The following SERTAD4 variants were observed in gnomAD, a reference collection of about 807,000 sequenced individuals.
The protein encoded by SERTAD4 is SERTA domain containing 4.
In SERTAD4, 18 loss-of-function variants were observed where a neutral mutation model predicts 32.9. The ratio of observed to expected loss-of-function variants is 0.55; its 90% CI spans 0.38 to 0.81. SERTAD4 has a LOEUF of 0.81. Ranked by LOEUF, SERTAD4 falls within the 30% of genes least tolerant of loss-of-function variation. The pLI is 0.00. For missense variants in SERTAD4, 383 were observed against 426.0 expected (o/e 0.90, Z 0.89); for synonymous variants, 150 against 156.4 (o/e 0.96, Z 0.30).
intron 1 of SERTAD4, among the ~76,000 whole-genome samples, chr1:210,234,588 G>C (rs949412433): frequency 6.6e-6 from 1 of 152,216 alleles, no homozygotes; most frequent in African/African-American, 2.4e-5. Flanking sequence ...ACAATGTGGA[G>C]GTCAGGGGCT....
chr1:210,236,982 C>T (rs1279619258), intron 1 of SERTAD4, among the ~76,000 whole-genome samples: 4 of 152,164 alleles, frequency 2.6e-5, no homozygotes, highest in Admixed American at 6.5e-5. Context: ...CCTGAGCTAT[C>T]GAGGGGCCCA....
At position 210,242,407 on chromosome 1, in the gene SERTAD4, T is replaced by G; in HGVS notation, c.*70T>G. The G allele has an allele frequency of 6.6e-7, 1 of 1,512,418 alleles. No individual in the cohort carries two copies. 93.7% of individuals were successfully genotyped at this position (1,512,418 alleles called of 1,614,324 possible). On this transcript the variant is annotated 3_prime_UTR_variant, in exon 4 of 4. Transcript: ENST00000367012. This position sits in a 1 kb window ranked among gnomAD's most constrained non-coding sequence, Gnocchi z 4.0. Reference sequence around the variant, plus strand: ...TAGCTCTCGTAAATTTTATTTTGAATGGATTTTGTAGTTTTGTACAACAGA... The same window carrying G: ...TAGCTCTCGTAAATTTTATTTTGAAGGGATTTTGTAGTTTTGTACAACAGA...
Position 210,245,719 on chromosome 1 carries a change from C to A in SERTAD4, c.*3382C>A. 2.8e-6 allele frequency: 2 copies of A among 710,644 alleles called. No individual in the cohort carries two copies. The highest frequency in any genetic ancestry group is 3.5e-6 in the Non-Finnish European group (2 of 579,204). The allele number at this position is 710,644 out of a possible 1,614,324, so 44.0% of individuals were successfully genotyped here. A position where few individuals can be genotyped will look rare whatever the true frequency, so the allele number is the denominator to read the frequency against. ...TTATTTTTAGAGCTCATAGTTAACT[C>A]CATCAAGACATGGCTACCCACCCCT... On this transcript the variant is annotated 3_prime_UTR_variant, in exon 4 of 4. Transcript: ENST00000367012.
chr1:210,233,144 C>A (rs1322453401), intron 1 of SERTAD4, 133 bp downstream of exon 1: 1 of 152,582 alleles, frequency 6.6e-6, no homozygotes, highest in Non-Finnish European at 1.5e-5. Flanking sequence ...GGCACCAGGG[C>A]TGTGCCGAGG....
chr1:210,242,198 A>C lies in SERTAD4; in HGVS notation c.932A>C (p.Lys311Thr), dbSNP rs1406687575. 1 of 1,614,202 alleles carries C rather than the reference A, an allele frequency of 6.2e-7. No homozygotes were observed. Among genetic ancestry groups the C allele is most frequent in the Admixed American group, 1.7e-5 (1 of 60,022 alleles). The change falls in exon 4 of 4, where the codon AAA becomes ACA. Residue 311 changes from lysine (K) to threonine (T), a missense_variant. By Grantham distance (78) the Lys-to-Thr change is moderately conservative (BLOSUM62 -1). Coordinates refer to ENST00000367012, the MANE Select transcript of SERTAD4 (RefSeq NM_019605.5). This position sits in a 1 kb window ranked among gnomAD's most constrained non-coding sequence, Gnocchi z 4.0. ...PVGNDLAFEC[K>T]GQFYDYFETG... is the part of the protein sequence containing the mutation. ...GGAAATGACCTTGCTTTTGAGTGCA[A>C]AGGCCAATTTTATGATTATTTTGAG...
In SERTAD4 at chr1:210,241,829, C is replaced by T. The variant is rs2083998733; in HGVS notation, c.563C>T (p.Ala188Val). The T allele has an allele frequency of 6.2e-7, 1 of 1,613,990 alleles. No individual in the cohort carries two copies. The highest frequency in any genetic ancestry group is 1.7e-5 in the Admixed American group (1 of 59,996). Residue 188 changes from alanine to valine, a missense_variant, in exon 4 of 4, where the codon GCC becomes GTC. Physicochemically the swap from Ala to Val is moderately conservative, Grantham distance 64. Around this residue, in one of 3 missense-constraint regions of SERTAD4, gnomAD observed 107 missense variants for 158.8 expected, o/e 0.67. Coordinates refer to ENST00000367012, the MANE Select transcript of SERTAD4 (RefSeq NM_019605.5). Reference sequence around the variant, plus strand: ...AAAGAGGAATGTGAAAAGTTTCATGCCTGCTGCTTTTACCAAGAATGTGGT... The same window carrying T: ...AAAGAGGAATGTGAAAAGTTTCATGTCTGCTGCTTTTACCAAGAATGTGGT... Reference protein sequence around the residue: ...MAKEECEKFHACCFYQECGGH... With the variant: ...MAKEECEKFHVCCFYQECGGH...
At chr1:210,233,715 G>C (rs569584240) in intron 1 of SERTAD4, 18 of 471,076 alleles carry the variant, frequency 3.8e-5, no homozygotes, top group Non-Finnish European at 7.5e-5. Context: ...CGCCTCTTCG[G>C]CCCTAGCAAC....
chr1:210,233,994 T>TAAAA (rs1269438559), intron 1 of SERTAD4: 142 of 334,874 alleles, frequency 4.2e-4, no homozygotes, highest in East Asian at 1.1e-3. Context: ...GTTTTTTTTT[T>TAAAA]AAAAAAAAAA....
intron 1 of SERTAD4, chr1:210,233,997 A>ATT (rs2083915135): frequency 8.0e-6 from 3 of 372,896 alleles, no homozygotes; most frequent in Admixed American, 3.9e-5. Context: ...TTTTTTTTAA[A>ATT]AAAAAAAAAG....
intron 1 of SERTAD4, 87 bp downstream of exon 1, chr1:210,233,098 A>T (rs1177204435): frequency 6.6e-6 from 1 of 151,912 alleles, no homozygotes; most frequent in Non-Finnish European, 1.5e-5. Context: ...CTGCCCTCGC[A>T]GACGGGCACC....
chr1:210,233,558 AC>A, intron 1 of SERTAD4: 1 of 406,018 alleles, frequency 2.5e-6, no homozygotes, highest in Non-Finnish European at 4.9e-6. Context: ...GTCCCCCGCC[AC>A]CTCCGCCCCC....
chr1:210,241,301 C>G (rs1179079046), intron 3 of SERTAD4, among the ~76,000 whole-genome samples: 1 of 152,044 alleles, frequency 6.6e-6, no homozygotes, highest in African/African-American at 2.4e-5. Context: ...CACTGTGGCT[C>G]GATTCCCTAG....
Position 210,246,097 on chromosome 1 carries a change from A to G in SERTAD4, c.*3760A>G. On this transcript the variant is annotated 3_prime_UTR_variant, in exon 4 of 4. Coordinates refer to ENST00000367012, the MANE Select transcript of SERTAD4 (RefSeq NM_019605.5). The stretch of plus-strand genomic sequence containing the variant: ...CATGGCATTAGTAATGATGGTTTAA[A>G]CTAGGTGCAGAACTGTCCCATGAAG... 5.6e-6 allele frequency: 1 copy of G among 178,608 alleles called. No homozygotes were observed. Among genetic ancestry groups the G allele is most frequent in the Non-Finnish European group, 1.1e-5 (1 of 92,124 alleles). 11.1% of individuals were successfully genotyped at this position (178,608 alleles called of 1,614,324 possible). A position where few individuals can be genotyped will look rare whatever the true frequency, so the allele number is the denominator to read the frequency against.
chr1:210,238,325 T>C (rs998833969), intron 2 of SERTAD4, among the ~76,000 whole-genome samples, 190 bp downstream of exon 2: 2 of 152,214 alleles, frequency 1.3e-5, no homozygotes, highest in African/African-American at 2.4e-5. Context: ...GAGGTGATAT[T>C]TAAATTGCAT....
intron 2 of SERTAD4, 75 bp downstream of exon 2, chr1:210,238,210 G>A (rs2083961870): frequency 4.4e-6 from 4 of 903,764 alleles, no homozygotes; most frequent in Non-Finnish European, 6.8e-6. Flanking sequence ...ACAGGAGGTG[G>A]TGTCTGGGGT....
downstream of SERTAD4, chr1:210,246,549 C>T: frequency 9.1e-6 from 9 of 984,734 alleles, no homozygotes; most frequent in Non-Finnish European, 1.1e-5. Context: ...TCTGTAATTT[C>T]CTGTTTCTGC....
rs570704127 is a variant in SERTAD4, at chr1:210,245,761, A to G, written c.*3424A>G. 1.9e-3 allele frequency: 1,902 copies of G among 979,560 alleles called. 1 individual carries two copies. Among genetic ancestry groups the G allele is most frequent in the Non-Finnish European group, 2.2e-3 (1,808 of 824,584 alleles). 60.7% of individuals were successfully genotyped at this position (979,560 alleles called of 1,614,324 possible). ...CCCACCCCTCCAGTTATGAACTTGT[A>G]TTACAGCTCCACTTGGTGACTTCCT... On this transcript the variant is annotated 3_prime_UTR_variant, in exon 4 of 4. Coordinates refer to ENST00000367012, the MANE Select transcript of SERTAD4 (RefSeq NM_019605.5).
chr1:210,233,308 T>TCGGGC (rs2083897225), intron 1 of SERTAD4, among the ~76,000 whole-genome samples: 1 of 151,942 alleles, frequency 6.6e-6, no homozygotes, highest in South Asian at 2.1e-4. Context: ...CTAGGGCTGC[T>TCGGGC]CGGGCTGCCA....
In SERTAD4 at chr1:210,241,624, G is replaced by A. The variant is rs200231133; in HGVS notation, c.358G>A (p.Asp120Asn). The A allele has an allele frequency of 1.4e-4, 221 of 1,610,512 alleles. No homozygotes were observed. The highest frequency in any genetic ancestry group is 1.8e-4 in the Non-Finnish European group (212 of 1,179,504). ...YMSLEKLKFI[D>N]DPEVYLRRSV... Reference sequence around the variant, plus strand: ...GTCCTTAGAAAAGCTAAAGTTTATCGATGATCCTGAAGTGTACCTCCGAAG... The same window carrying A: ...GTCCTTAGAAAAGCTAAAGTTTATCAATGATCCTGAAGTGTACCTCCGAAG... Residue 120 changes from aspartate (D) to asparagine (N), a missense_variant, in exon 4 of 4, where the codon GAT becomes AAT. By Grantham distance (23) the Asp-to-Asn change is conservative. Around this residue, in one of 3 missense-constraint regions of SERTAD4, gnomAD observed 107 missense variants for 158.8 expected, o/e 0.67. Transcript: ENST00000367012.
Sources: gnomAD v4.1 joint callset for allele counts (sites outside exome capture counted in the v4.1 genomes callset) on GRCh38, gnomAD v4.1.1 for gene constraint, gnomAD v4.1.1 regional missense constraint, Gnocchi (gnomAD v3.1) non-coding constraint, MANE v1.5 for transcripts, NCBI Gene and HGNC (gene_info 2026-07-23, HGNC 2026-07-21) for gene names.